The following L3MBTL4 variants were observed in gnomAD, a reference collection of about 807,000 sequenced individuals.
The protein encoded by L3MBTL4 is lethal(3)malignant brain tumor-like protein 4.
L3MBTL4 carries 70 observed loss-of-function variants against 84.5 expected under a neutral mutation model. The ratio of observed to expected loss-of-function variants is 0.83; its 90% confidence interval spans 0.68 to 1.01. The LOEUF is 1.01. L3MBTL4 is among the 50% of genes least tolerant of loss of function. L3MBTL4 has a pLI of 0.00. For synonymous variants in L3MBTL4, 274 were observed against 259.8 expected (o/e 1.05, Z -0.52); for missense variants, 715 against 754.8 (o/e 0.95, Z 0.62).
chr18:6,218,701 C>T (rs1011176045), intron 10 of L3MBTL4, among the ~76,000 whole-genome samples: 2 of 152,098 alleles, frequency 1.3e-5, no homozygotes. Flanking sequence ...AAATATTGTA[C>T]CTGTATATTC....
At chr18:6,136,202 C>A (rs1485590932) in intron 14 of L3MBTL4, among the ~76,000 whole-genome samples, 1 of 152,172 alleles carries the variant, frequency 6.6e-6, no homozygotes, top group African/African-American at 2.4e-5. Context: ...TTGGGAGATA[C>A]AATTCAAGTT....
At chr18:6,198,720 A>G (rs1268023933) in intron 12 of L3MBTL4, among the ~76,000 whole-genome samples, 1 of 152,208 alleles carries the variant, frequency 6.6e-6, no homozygotes, top group East Asian at 1.9e-4. Flanking sequence ...ATCTCAGCCT[A>G]TTCAAAGGGG....
intron 5 of L3MBTL4, among the ~76,000 whole-genome samples, chr18:6,245,652 T>C (rs1006634640): frequency 1.3e-5 from 2 of 150,356 alleles, no homozygotes; most frequent in Non-Finnish European, 3.0e-5. Flanking sequence ...TGCAGTGACA[T>C]GATCTCAGCT....
At chr18:6,337,601 T>C (rs912498564) in intron 1 of L3MBTL4, among the ~76,000 whole-genome samples, 2 of 152,070 alleles carry the variant, frequency 1.3e-5, no homozygotes, top group African/African-American at 4.8e-5. Flanking sequence ...TAGAAAATAG[T>C]ATCTGTAGAA....
chr18:5,970,003 T>C (rs1444404986), intron 16 of L3MBTL4, among the ~76,000 whole-genome samples: 3 of 152,230 alleles, frequency 2.0e-5, no homozygotes, highest in African/African-American at 7.2e-5. Flanking sequence ...AACAGCCTCA[T>C]GAGTCTCTAA....
At chr18:6,092,324 C>A (rs576376368) in intron 15 of L3MBTL4, among the ~76,000 whole-genome samples, 7 of 152,298 alleles carry the variant, frequency 4.6e-5, no homozygotes, top group Non-Finnish European at 8.8e-5. Flanking sequence ...CCAAATTCTC[C>A]GAATAAACTG....
chr18:5,964,677 T>C (rs1040626342), intron 17 of L3MBTL4, among the ~76,000 whole-genome samples: 5 of 152,226 alleles, frequency 3.3e-5, no homozygotes, highest in Non-Finnish European at 7.3e-5. Context: ...GGGCAATTTA[T>C]ATGTGGTGCT....
intron 14 of L3MBTL4, among the ~76,000 whole-genome samples, chr18:6,111,796 A>G (rs1385637005): frequency 6.6e-6 from 1 of 152,200 alleles, no homozygotes; most frequent in Admixed American, 6.5e-5. Flanking sequence ...GAATGATTCA[A>G]TCTAGCTAAT....
At chr18:6,299,722 T>C (rs1394612021) in intron 4 of L3MBTL4, among the ~76,000 whole-genome samples, 1 of 152,124 alleles carries the variant, frequency 6.6e-6, no homozygotes, top group Admixed American at 6.5e-5. Context: ...CAGGCTGGAG[T>C]GCAGGGACAA....
chr18:6,040,015 T>C (rs2056328583), intron 16 of L3MBTL4, among the ~76,000 whole-genome samples: 1 of 152,202 alleles, frequency 6.6e-6, no homozygotes, highest in South Asian at 2.1e-4. Flanking sequence ...TTAAACTTTT[T>C]TCATTCTCTC....
intron 12 of L3MBTL4, among the ~76,000 whole-genome samples, chr18:6,211,628 A>G (rs977054811): frequency 6.6e-6 from 1 of 151,866 alleles, no homozygotes; most frequent in Non-Finnish European, 1.5e-5. Flanking sequence ...ATTATGACTG[A>G]GCTTATCTTA....
intron 4 of L3MBTL4, among the ~76,000 whole-genome samples, chr18:6,297,510 G>T (rs2050156217): frequency 6.6e-6 from 1 of 152,084 alleles, no homozygotes; most frequent in East Asian, 1.9e-4. Flanking sequence ...CACTATATTT[G>T]CCACTTTTCT....
chr18:6,339,347 T>C (rs1468739606), intron 1 of L3MBTL4, among the ~76,000 whole-genome samples: 1 of 152,198 alleles, frequency 6.6e-6, no homozygotes, highest in Non-Finnish European at 1.5e-5. Context: ...CAGAAATATT[T>C]AACAGAAAAT....
At chr18:6,413,958 AC>A (rs1324038756) in intron 1 of L3MBTL4, 1 of 152,342 alleles carries the variant, frequency 6.6e-6, no homozygotes, top group Non-Finnish European at 1.5e-5. Flanking sequence ...GACAATACCC[AC>A]CCGGAATTTG....
At chr18:6,001,977 C>G (rs1341022592) in intron 16 of L3MBTL4, among the ~76,000 whole-genome samples, 8 of 152,054 alleles carry the variant, frequency 5.3e-5, no homozygotes, top group Admixed American at 5.2e-4. Flanking sequence ...CTCAAGAAGA[C>G]CCACAATGAG....
chr18:6,012,667 TAAAAA>T (rs11453210), intron 16 of L3MBTL4, among the ~76,000 whole-genome samples: 1 of 146,410 alleles, frequency 6.8e-6, no homozygotes, highest in African/African-American at 2.5e-5. Flanking sequence ...TCTACAAAAT[TAAAAA>T]AAAAAAAAAT....
chr18:6,045,515 G>C (rs183102969), intron 16 of L3MBTL4, among the ~76,000 whole-genome samples: 1 of 152,284 alleles, frequency 6.6e-6, no homozygotes, highest in East Asian at 1.9e-4. Context: ...GGAAGGCAAG[G>C]AGGAGCAAGT....
intron 1 of L3MBTL4, among the ~76,000 whole-genome samples, chr18:6,359,990 T>C (rs1249928310): frequency 3.9e-5 from 6 of 152,154 alleles, no homozygotes; most frequent in Non-Finnish European, 8.8e-5. Flanking sequence ...CATGACATAC[T>C]AACAACAAGC....
At chr18:6,218,391 C>A (rs1416402281) in intron 10 of L3MBTL4, among the ~76,000 whole-genome samples, 1 of 150,892 alleles carries the variant, frequency 6.6e-6, no homozygotes, top group Non-Finnish European at 1.5e-5. Flanking sequence ...CACCTGGCCC[C>A]TTCCATGCTG....
Sources: allele counts gnomAD v4.1 joint callset (sites outside exome capture counted in the v4.1 genomes callset), GRCh38; gene constraint gnomAD v4.1.1; transcripts MANE v1.5; gene names NCBI Gene and HGNC (gene_info 2026-07-23, HGNC 2026-07-21).